The following MSN variants were observed in gnomAD, a reference collection of about 807,000 sequenced individuals.
MSN encodes epididymis luminal protein 70.
A neutral mutation model predicts 48.0 loss-of-function variants in MSN; 2 were observed. The ratio of observed to expected loss-of-function variants is 0.04; its 90% confidence interval spans 0.02 to 0.13. MSN has a LOEUF of 0.13. MSN is among the 10% of genes least tolerant of loss of function. The pLI, the probability that MSN is intolerant of heterozygous loss-of-function variation, is 1.00. For synonymous variants in MSN, 146 were observed against 166.9 expected, an observed-to-expected ratio of 0.87 and a Z score of 0.97; for missense variants, 267 against 470.1, an observed-to-expected ratio of 0.57 and a Z score of 3.99.
At chrX:65,716,467 G>C (rs2071465773) in intron 1 of MSN, 1 of 273,103 alleles carries the variant, frequency 3.7e-6, no homozygotes, top group African/African-American at 2.8e-5. Flanking sequence ...GTAGAGATGG[G>C]GTTTTGCCAT....
At chrX:65,661,564 GAA>G (rs1355832811) in intron 1 of MSN, among the ~76,000 whole-genome samples, 1 of 112,077 alleles carries the variant, frequency 8.9e-6, no homozygotes, top group Non-Finnish European at 1.9e-5. Context: ...ATATTGGCCT[GAA>G]GTTTTCTTTT....
At chrX:65,729,876 CTGT>C (rs1338196536) in intron 4 of MSN, among the ~76,000 whole-genome samples, 164 bp downstream of exon 4, 1 of 112,489 alleles carries the variant, frequency 8.9e-6, no homozygotes, top group Non-Finnish European at 1.9e-5. Context: ...GTGTCAGACT[CTGT>C]TGTTGTTTTT....
rs749134478 is a variant in MSN at position 65,737,287 on chromosome X, G to A, written c.1200G>A (p.Lys400=). 1 of 1,211,480 alleles carries A rather than the reference G, an allele frequency of 8.3e-7. No individual in the cohort carries two copies. Among genetic ancestry groups the A allele is most frequent in the East Asian group, 3.0e-5 (1 of 33,824 alleles). ...AGCGTCAAGAAGCTGAAGAGGCCAA[G>A]GAGGCCTTGCTGCAGGCCTCCCGGG... The part of the protein sequence containing the change: ...AKERQEAEEA[K]EALLQASRDQ... Residue 400 remains lysine (K), a synonymous_variant, in exon 10 of 13, where the codon AAG becomes AAA. Transcript: ENST00000360270.
chrX:65,604,943 T>C (rs1260456638), intron 1 of MSN, among the ~76,000 whole-genome samples: 1 of 111,830 alleles, frequency 8.9e-6, no homozygotes, highest in African/African-American at 3.3e-5. Context: ...AGAGTGATCA[T>C]GTTAAAAACA....
At chrX:65,588,850 A>G (rs1169487831) in intron 1 of MSN, 1 of 130,635 alleles carries the variant, frequency 7.7e-6, no homozygotes, top group Non-Finnish European at 1.5e-5. Context: ...TCCTCTCCCA[A>G]CTCCCCACTC....
At chrX:65,663,061 C>G (rs761852241), upstream of MSN, among the ~76,000 whole-genome samples, 4 of 111,305 alleles carry the variant, frequency 3.6e-5, no homozygotes, top group East Asian at 1.1e-3. Context: ...AGTTCGAGAC[C>G]AGCCTGAACA....
chrX:65,631,733 C>T (rs1021300210), intron 1 of MSN, among the ~76,000 whole-genome samples: 8 of 111,708 alleles, frequency 7.2e-5, no homozygotes, highest in Middle Eastern at 4.6e-3. Flanking sequence ...GGAGTGCAGT[C>T]GCATGATCAT....
intron 1 of MSN, among the ~76,000 whole-genome samples, chrX:65,597,656 C>T (rs1409252667): frequency 8.9e-6 from 1 of 112,160 alleles, no homozygotes. Flanking sequence ...TCCAATAGTG[C>T]TTTTTGGCTG....
chrX:65,654,498 A>C (rs1371098909), intron 1 of MSN, among the ~76,000 whole-genome samples: 3 of 109,876 alleles, frequency 2.7e-5, no homozygotes, highest in Non-Finnish European at 3.8e-5. Context: ...TTATTACCCC[A>C]ATTTTTACAG....
At chrX:65,628,348 T>A (rs1464857544) in intron 1 of MSN, among the ~76,000 whole-genome samples, 1 of 112,812 alleles carries the variant, frequency 8.9e-6, no homozygotes. Flanking sequence ...AAGCCTCAAT[T>A]CTTGACTTCT....
At chrX:65,659,216 A>G (rs1306202736) in intron 1 of MSN, among the ~76,000 whole-genome samples, 5 of 108,285 alleles carry the variant, frequency 4.6e-5, no homozygotes, top group African/African-American at 1.7e-4. Context: ...CAGTGGTGCA[A>G]TCTTGGCTTA....
intron 1 of MSN, among the ~76,000 whole-genome samples, chrX:65,712,296 C>A (rs1251227065): frequency 9.0e-6 from 1 of 111,238 alleles, no homozygotes; most frequent in Middle Eastern, 4.3e-3. Flanking sequence ...GGCTCCCTAG[C>A]GAGATTTATT....
chrX:65,667,380 T>G (rs908330814), upstream of MSN, among the ~76,000 whole-genome samples: 2 of 81,180 alleles, frequency 2.5e-5, no homozygotes, highest in Middle Eastern at 5.6e-3. Flanking sequence ...GGGCCCTGAG[T>G]GGGGGTGGGG....
intron 1 of MSN, among the ~76,000 whole-genome samples, chrX:65,692,464 T>C (rs948565337): frequency 1.8e-5 from 2 of 112,454 alleles, no homozygotes; most frequent in African/African-American, 6.5e-5. Flanking sequence ...TGGCTAACTT[T>C]CAGATAAAAC....
intron 1 of MSN, among the ~76,000 whole-genome samples, chrX:65,648,975 G>C (rs2070717532): frequency 9.0e-6 from 1 of 110,664 alleles, no homozygotes; most frequent in African/African-American, 3.3e-5. Flanking sequence ...GTATGGATGA[G>C]GAGAAAATGC....
chrX:65,690,710 T>A (rs182788731), intron 1 of MSN, among the ~76,000 whole-genome samples: 2 of 111,715 alleles, frequency 1.8e-5, no homozygotes, highest in African/African-American at 6.5e-5. Context: ...GTCTTGTGCC[T>A]GGGAACTGAG....
chrX:65,657,462 G>A (rs936443856), intron 1 of MSN, among the ~76,000 whole-genome samples: 24 of 110,959 alleles, frequency 2.2e-4, no homozygotes, highest in Admixed American at 2.0e-3. Context: ...AGGGCTGGGG[G>A]GGCTGATGAC....
At chrX:65,590,249 G>A (rs765985786) in intron 1 of MSN, among the ~76,000 whole-genome samples, 9 of 111,427 alleles carry the variant, frequency 8.1e-5, no homozygotes, top group Middle Eastern at 4.6e-3. Flanking sequence ...GGGCCTGGCA[G>A]AAGCACCCCT....
intron 1 of MSN, among the ~76,000 whole-genome samples, chrX:65,708,920 T>A (rs1465531300): frequency 1.8e-5 from 2 of 111,886 alleles, no homozygotes; most frequent in African/African-American, 6.5e-5. Context: ...TGACTTCAGG[T>A]GATCTGCCCA....
Sources: allele counts gnomAD v4.1 joint callset (sites outside exome capture counted in the v4.1 genomes callset), GRCh38; gene constraint gnomAD v4.1.1; transcripts MANE v1.5; gene names NCBI Gene and HGNC (gene_info 2026-07-23, HGNC 2026-07-21).